Variants in CSMD1 observed in about 807,000 individuals in gnomAD.
CSMD1 encodes the protein CUB and sushi domain-containing protein 1.
CSMD1 carries 213 observed loss-of-function variants against 417.5 expected under a neutral mutation model. The ratio of observed to expected loss-of-function variants is 0.51; its 90% CI spans 0.46 to 0.57. The LOEUF is 0.57. CSMD1 is among the 20% of genes least tolerant of loss of function. The pLI, the probability that CSMD1 is intolerant of heterozygous loss-of-function variation, is 0.00. For synonymous variants in CSMD1, 2,862 were observed against 1,736.8 expected (o/e 1.65, Z -16.11); for missense variants, 6,923 against 4,529.7 (o/e 1.53, Z -15.17).
chr8:4,239,085 T>C (rs1300319021), intron 3 of CSMD1, among the ~76,000 whole-genome samples: 1 of 152,194 alleles, frequency 6.6e-6, no homozygotes, highest in Admixed American at 6.5e-5. Flanking sequence ...TTTAAACTTA[T>C]GTCACATAGT....
At chr8:3,216,677 T>G (rs943857531) in intron 29 of CSMD1, among the ~76,000 whole-genome samples, 1 of 152,240 alleles carries the variant, frequency 6.6e-6, no homozygotes, top group Non-Finnish European at 1.5e-5. Flanking sequence ...TGCTTACAAT[T>G]TGCCAGGCTT....
chr8:3,910,944 G>A (rs10216531), intron 5 of CSMD1, among the ~76,000 whole-genome samples: 76,203 of 152,004 alleles, frequency 0.5, 22,360 homozygotes, highest in South Asian at 0.66. Flanking sequence ...GATTGATCAC[G>A]ACCAGGAACG....
At position 4,213,121 on chromosome 8, in the gene CSMD1, C is replaced by G. The variant is rs189385039; in HGVS notation, c.416-181022G>C. 7.2e-5 allele frequency among the ~76,000 whole-genome samples: 11 copies of G among 152,254 alleles called. No individual in the cohort carries two copies. The East Asian group carries it at 1.9e-3, about 27-fold the overall frequency. On this transcript the variant is annotated intron_variant, in intron 3 of 69. Coordinates refer to ENST00000635120, the MANE Select transcript of CSMD1 (RefSeq NM_033225.6). ...CTTCACCCAGTGGAGCATGCTTAGA[C>G]TCAAAGACAACATCTGGAAAATTTC...
chr8:3,068,320 T>C (rs953544068), intron 49 of CSMD1, among the ~76,000 whole-genome samples: 1 of 152,148 alleles, frequency 6.6e-6, no homozygotes, highest in African/African-American at 2.4e-5. Flanking sequence ...TCACCTAACA[T>C]AATTTACCAC....
At chr8:4,109,388 G>A (rs926497120) in intron 3 of CSMD1, among the ~76,000 whole-genome samples, 3 of 152,010 alleles carry the variant, frequency 2.0e-5, no homozygotes, top group Non-Finnish European at 4.4e-5. Context: ...ATAATATAGT[G>A]ACCTAGCAAA....
intron 20 of CSMD1, among the ~76,000 whole-genome samples, chr8:3,365,378 A>T (rs898056481): frequency 6.6e-6 from 1 of 152,210 alleles, no homozygotes; most frequent in African/African-American, 2.4e-5. Flanking sequence ...AATCCCCAAG[A>T]AATATTTTCC....
At chr8:3,530,256 T>G (rs1417243538) in intron 10 of CSMD1, among the ~76,000 whole-genome samples, 1 of 152,226 alleles carries the variant, frequency 6.6e-6, no homozygotes, top group East Asian at 1.9e-4. Context: ...TATTAGGTTG[T>G]TGATTCAATA....
intron 3 of CSMD1, among the ~76,000 whole-genome samples, chr8:4,152,467 C>T (rs1386258503): frequency 6.6e-6 from 1 of 150,476 alleles, no homozygotes; most frequent in Non-Finnish European, 1.5e-5. Context: ...TTGAGCCCAG[C>T]AGTTTGGGCC....
chr8:4,570,397 T>C (rs1798827384), intron 2 of CSMD1, among the ~76,000 whole-genome samples: 1 of 152,236 alleles, frequency 6.6e-6, no homozygotes, highest in African/African-American at 2.4e-5. Context: ...GATAATCATG[T>C]GGCTTTTGTC....
intron 4 of CSMD1, among the ~76,000 whole-genome samples, chr8:4,008,040 G>C (rs191846510): frequency 3.9e-5 from 6 of 152,238 alleles, no homozygotes; most frequent in Admixed American, 2.0e-4. Context: ...TGCTTTGCTT[G>C]TTTTCAGCAA....
At chr8:4,056,010 T>G (rs186975157) in intron 3 of CSMD1, among the ~76,000 whole-genome samples, 148 of 151,962 alleles carry the variant, frequency 9.7e-4, no homozygotes, top group African/African-American at 3.4e-3. Context: ...AAAATTGTAG[T>G]CTACACAGAT....
intron 6 of CSMD1, among the ~76,000 whole-genome samples, chr8:3,741,777 T>C (rs1325272540): frequency 1.3e-5 from 2 of 152,224 alleles, no homozygotes; most frequent in African/African-American, 4.8e-5. Flanking sequence ...TGTGGGAATA[T>C]GCCCATTTCT....
intron 1 of CSMD1, among the ~76,000 whole-genome samples, chr8:4,907,829 G>A (rs1162800578): frequency 1.3e-5 from 2 of 151,708 alleles, no homozygotes; most frequent in Non-Finnish European, 2.9e-5. Flanking sequence ...GCCTCGCAAA[G>A]TGCTGGGATT....
In CSMD1 at chr8:4,665,298, C is replaced by G. The variant is rs962141973; in HGVS notation, c.86-27740G>C. Among the ~76,000 whole-genome samples the G allele has an allele frequency of 4.9e-4, 74 of 152,166 alleles. 1 individual carries two copies. Among genetic ancestry groups the G allele is most frequent in the African/African-American group, 1.7e-3 (71 of 41,430 alleles). On this transcript the variant is annotated intron_variant, in intron 1 of 69. Coordinates refer to ENST00000635120, the MANE Select transcript of CSMD1 (RefSeq NM_033225.6). ...TCTCTTTTCTCTCAGATTGGCCTTC[C>G]TCTCCCTTTGCTGACTTTGAAATTT...
intron 1 of CSMD1, among the ~76,000 whole-genome samples, chr8:4,923,071 A>G (rs952416384): frequency 3.9e-5 from 6 of 152,228 alleles, no homozygotes; most frequent in Admixed American, 6.5e-5. Context: ...ACTTAGGGGA[A>G]CAATCTTAAA....
chr8:4,047,764 G>T (rs1454105166), intron 3 of CSMD1, among the ~76,000 whole-genome samples: 1 of 151,648 alleles, frequency 6.6e-6, no homozygotes, highest in African/African-American at 2.4e-5. Flanking sequence ...GTATTTTTTT[G>T]ATAGGAATAG....
At chr8:4,110,607 T>A (rs1744617559) in intron 3 of CSMD1, among the ~76,000 whole-genome samples, 1 of 148,786 alleles carries the variant, frequency 6.7e-6, no homozygotes, top group Admixed American at 6.8e-5. Flanking sequence ...CATTTTGTAC[T>A]TTCTCCCTAA....
chr8:3,809,228 C>G (rs985578471), intron 5 of CSMD1, among the ~76,000 whole-genome samples: 1 of 152,116 alleles, frequency 6.6e-6, no homozygotes, highest in Admixed American at 6.6e-5. Context: ...TTAAGTTTCA[C>G]TTCATCTAAA....
chr8:4,695,040 TC>T (rs1807025635), intron 1 of CSMD1, among the ~76,000 whole-genome samples: 1 of 152,102 alleles, frequency 6.6e-6, no homozygotes, highest in Non-Finnish European at 1.5e-5. Flanking sequence ...TCTGTCATCT[TC>T]CCCCTTCCCC....
Sources: allele counts gnomAD v4.1 joint callset (sites outside exome capture counted in the v4.1 genomes callset), GRCh38; gene constraint gnomAD v4.1.1; transcripts MANE v1.5; gene names NCBI Gene and HGNC (gene_info 2026-07-23, HGNC 2026-07-21).